KCTD11: variants seen among roughly 807,000 people sequenced by gnomAD.
KCTD11 encodes BTB/POZ domain-containing protein KCTD11.
A neutral mutation model predicts 10.7 loss-of-function variants in KCTD11; 8 were observed. The observed-to-expected ratio is 0.74, with a 90% CI of 0.44 to 1.34. KCTD11 has a LOEUF of 1.34. Ranked by LOEUF, KCTD11 falls within the 40% of genes most tolerant of loss-of-function variation. KCTD11 has a pLI of 0.01. For missense variants in KCTD11, 346 were observed against 356.1 expected, an observed-to-expected ratio of 0.97 and a Z score of 0.23; for synonymous variants, 153 against 160.8, an observed-to-expected ratio of 0.95 and a Z score of 0.37.
Position 7,353,701 on chromosome 17 carries a change from A to G in KCTD11, c.*60A>G. The G allele has an allele frequency of 7.0e-7, 1 of 1,435,096 alleles. No homozygotes were observed. The highest frequency in any genetic ancestry group is 9.4e-7 in the Non-Finnish European group (1 of 1,065,796). The allele number at this position is 1,435,096 out of a possible 1,614,324, so 88.9% of individuals were successfully genotyped here. A position where few individuals can be genotyped will look rare whatever the true frequency, so the allele number is the denominator to read the frequency against. The stretch of plus-strand genomic sequence containing the variant: ...GAGAATGGGGTACTAGCACCCCTGA[A>G]GCCTCTTTCCAGCTCTGCTTCAGGA... On this transcript the variant is annotated 3_prime_UTR_variant, in exon 1 of 1. Transcript: ENST00000333751. This position sits in a 1 kb window ranked among gnomAD's most constrained non-coding sequence, Gnocchi z 4.9.
At position 7,354,226 on chromosome 17, in the gene KCTD11, A is replaced by G. The variant is rs187809565; in HGVS notation, c.*585A>G. On this transcript the variant is annotated 3_prime_UTR_variant, in exon 1 of 1. Transcript: ENST00000333751. ...ATGTATGGGAGCTAGGACAGTCCCC[A>G]TGGCAATGGGGCTGGAGCATCCCTC... is the stretch of plus-strand genomic sequence containing the variant. 6.0e-6 allele frequency: 1 copy of G among 167,238 alleles called. No homozygotes were observed. Among genetic ancestry groups the G allele is most frequent in the Admixed American group, 6.5e-5 (1 of 15,290 alleles). The allele number at this position is 167,238 out of a possible 1,614,324, so 10.4% of individuals were successfully genotyped here.
chr17:7,353,144 C>T lies in KCTD11; in HGVS notation c.319C>T (p.Pro107Ser), dbSNP rs1413236034. ...AGAGGCTGACTTCTACCAGATCCGG[C>T]CCCTCCTGGACGCGCTGCGGGAACT... Residue 107 changes from proline to serine, a missense_variant, in exon 1 of 1, where the codon CCC becomes TCC. By Grantham distance (74) the Pro-to-Ser change is moderately conservative. Coordinates refer to ENST00000333751, the MANE Select transcript of KCTD11 (RefSeq NM_001363642.1). This position sits in a 1 kb window ranked among gnomAD's most constrained non-coding sequence, Gnocchi z 4.9. The T allele has an allele frequency of 1.9e-6, 3 of 1,612,806 alleles. No individual in the cohort carries two copies. The East Asian group carries it at 6.7e-5, about 36-fold the overall frequency.
chr17:7,352,908 C>G lies in KCTD11; in HGVS notation c.83C>G (p.Thr28Ser). The change falls in exon 1 of 1, where the codon ACC (threonine) becomes AGC (serine). Residue 28 changes from threonine (T) to serine (S), a missense_variant. Thr to Ser is a moderately conservative substitution (Grantham distance 58). Coordinates refer to ENST00000333751, the MANE Select transcript of KCTD11 (RefSeq NM_001363642.1). The surrounding 1 kb of genome is among the most constrained non-coding windows in gnomAD (Gnocchi z 4.5). ...AATGTGGGGGGCACACTATATTCCA[C>G]CACTTTGGAGACCCTGACCCGCTTC... 6.5e-7 allele frequency: 1 copy of G among 1,530,532 alleles called. No individual in the cohort carries two copies. Among genetic ancestry groups the G allele is most frequent in the Non-Finnish European group, 8.8e-7 (1 of 1,133,102 alleles). The allele number at this position is 1,530,532 out of a possible 1,614,324, so 94.8% of individuals were successfully genotyped here. A position where few individuals can be genotyped will look rare whatever the true frequency, so the allele number is the denominator to read the frequency against.
In KCTD11 at chr17:7,353,931, T is replaced by G; in HGVS notation, c.*290T>G. 2.7e-6 allele frequency: 1 copy of G among 364,224 alleles called. No homozygotes were observed. The highest frequency in any genetic ancestry group is 5.2e-6 in the Non-Finnish European group (1 of 192,096). The allele number at this position is 364,224 out of a possible 1,614,324, so 22.6% of individuals were successfully genotyped here. On this transcript the variant is annotated 3_prime_UTR_variant, in exon 1 of 1. Transcript: ENST00000333751. This position sits in a 1 kb window ranked among gnomAD's most constrained non-coding sequence, Gnocchi z 4.9. ...TCTCCTTGATTTGGAGCTCAGTGTT[T>G]AAGGGCTTGGAAAAGGGGGGAACAT...
Position 7,353,393 on chromosome 17 carries a change from G to A in KCTD11, c.568G>A (p.Gly190Arg). The A allele has an allele frequency of 6.2e-7, 1 of 1,613,764 alleles. No homozygotes were observed. Among genetic ancestry groups the A allele is most frequent in the Non-Finnish European group, 8.5e-7 (1 of 1,180,028 alleles). Residue 190 changes from glycine to arginine, a missense_variant, in exon 1 of 1, where the codon GGG becomes AGG. Coordinates refer to ENST00000333751, the MANE Select transcript of KCTD11 (RefSeq NM_001363642.1). The surrounding 1 kb of genome is among the most constrained non-coding windows in gnomAD (Gnocchi z 4.9). ...TGTGGCCAGTGGGGATAGGGCAGAG[G>A]GGAGCCCACATTTTCATCTGGAGTG...
rs2073458793 is a variant in KCTD11 at position 7,354,723 on chromosome 17, TA to T, written c.*1083del. ...GCTGAGGCAACCATGGACCTGTTGC[TA>T]GGAGATAGCTGGGGAAGGCCCAAGG... On this transcript the variant is annotated 3_prime_UTR_variant, in exon 1 of 1. Coordinates refer to ENST00000333751, the MANE Select transcript of KCTD11 (RefSeq NM_001363642.1). 1 of 170,956 alleles carries T rather than the reference TA, an allele frequency of 5.8e-6. No individual in the cohort carries two copies. Among genetic ancestry groups the T allele is most frequent in the African/African-American group, 2.4e-5 (1 of 41,372 alleles). The allele number at this position is 170,956 out of a possible 1,614,324, so 10.6% of individuals were successfully genotyped here.
In KCTD11 at chr17:7,353,816, G is replaced by C; in HGVS notation, c.*175G>C. 1.6e-6 allele frequency: 1 copy of C among 613,504 alleles called. No individual in the cohort carries two copies. Among genetic ancestry groups the C allele is most frequent in the African/African-American group, 1.8e-5 (1 of 54,736 alleles). The allele number at this position is 613,504 out of a possible 1,614,324, so 38.0% of individuals were successfully genotyped here. A position where few individuals can be genotyped will look rare whatever the true frequency, so the allele number is the denominator to read the frequency against. ...CTGAGCCCACCAAGGACTCACAAGT[G>C]GTCCAGAAGGTCTCAACCTGTGCTG... is the stretch of plus-strand genomic sequence containing the variant. On this transcript the variant is annotated 3_prime_UTR_variant, in exon 1 of 1. Coordinates refer to ENST00000333751, the MANE Select transcript of KCTD11 (RefSeq NM_001363642.1). This position sits in a 1 kb window ranked among gnomAD's most constrained non-coding sequence, Gnocchi z 4.9.
chr17:7,353,587 C>T lies in KCTD11; in HGVS notation c.762C>T (p.Phe254=), dbSNP rs771992131. The change falls in exon 1 of 1, where the codon TTC becomes TTT. Residue 254 remains phenylalanine, a synonymous_variant. Coordinates refer to ENST00000333751, the MANE Select transcript of KCTD11 (RefSeq NM_001363642.1). The surrounding 1 kb of genome is among the most constrained non-coding windows in gnomAD (Gnocchi z 4.9). ...ACGGCTTCCGACTAGACTCTGTCTT[C>T]CCCGACCCCGAAGACCTGCTCAACT... 7 of 1,533,304 alleles carry T rather than the reference C, an allele frequency of 4.6e-6. No individual in the cohort carries two copies. Among genetic ancestry groups the T allele is most frequent in the Non-Finnish European group, 6.1e-6 (7 of 1,140,316 alleles). 95.0% of individuals were successfully genotyped at this position (1,533,304 alleles called of 1,614,324 possible).
Position 7,353,639 on chromosome 17 carries a change from T to G in KCTD11, c.814T>G (p.Ter272GlyextTer51), listed in dbSNP as rs1300120175. The G allele has an allele frequency of 6.6e-7, 1 of 1,514,006 alleles. No homozygotes were observed. 93.8% of individuals were successfully genotyped at this position (1,514,006 alleles called of 1,614,324 possible). The change falls in exon 1 of 1, where the codon TGA (stop) becomes GGA (glycine). Residue 272 changes from the stop codon to glycine, a stop_lost. Transcript: ENST00000333751. The surrounding 1 kb of genome is among the most constrained non-coding windows in gnomAD (Gnocchi z 4.9). ...CAGGTCTCTGCGCTTTGTCCGGCACTGAGGATGCTGTTCTCAGTTTGACTG... is the reference window on the plus strand; with the variant it reads ...CAGGTCTCTGCGCTTTGTCCGGCACGGAGGATGCTGTTCTCAGTTTGACTG...
chr17:7,353,782 T>C lies in KCTD11; in HGVS notation c.*141T>C, dbSNP rs746671261. On this transcript the variant is annotated 3_prime_UTR_variant, in exon 1 of 1. Transcript: ENST00000333751. The surrounding 1 kb of genome is among the most constrained non-coding windows in gnomAD (Gnocchi z 4.9). ...ACTGGAGCTCAGATGTGGGCAGGAA[T>C]TCCCAAACCTGAGCCCACCAAGGAC... is the stretch of plus-strand genomic sequence containing the variant. 30 of 825,960 alleles carry C rather than the reference T, an allele frequency of 3.6e-5. No individual in the cohort carries two copies. Among genetic ancestry groups the C allele is most frequent in the Non-Finnish European group, 5.1e-5 (28 of 551,186 alleles). The allele number at this position is 825,960 out of a possible 1,614,324, so 51.2% of individuals were successfully genotyped here.
At position 7,352,918 on chromosome 17, in the gene KCTD11, G is replaced by T. The variant is rs1376424512; in HGVS notation, c.93G>T (p.Glu31Asp). ...GCACACTATATTCCACCACTTTGGA[G>T]ACCCTGACCCGCTTCCCAGACTCTA... Residue 31 changes from glutamate (E) to aspartate (D), a missense_variant, in exon 1 of 1, where the codon GAG (glutamate) becomes GAT (aspartate). Transcript: ENST00000333751. The surrounding 1 kb of genome is among the most constrained non-coding windows in gnomAD (Gnocchi z 4.5). The T allele has an allele frequency of 1.3e-6, 2 of 1,543,920 alleles. No homozygotes were observed. Among genetic ancestry groups the T allele is most frequent in the African/African-American group, 1.4e-5 (1 of 73,198 alleles).
Position 7,353,401 on chromosome 17 carries a change from A to G in KCTD11, c.576A>G (p.Pro192=). ...GTGGGGATAGGGCAGAGGGGAGCCC[A>G]CATTTTCATCTGGAGTGGGCCCCCC... The change falls in exon 1 of 1, where the codon CCA becomes CCG. Residue 192 remains proline, a synonymous_variant. Coordinates refer to ENST00000333751, the MANE Select transcript of KCTD11 (RefSeq NM_001363642.1). The surrounding 1 kb of genome is among the most constrained non-coding windows in gnomAD (Gnocchi z 4.9). 6.2e-7 allele frequency: 1 copy of G among 1,613,572 alleles called. No homozygotes were observed. Among genetic ancestry groups the G allele is most frequent in the Non-Finnish European group, 8.5e-7 (1 of 1,179,992 alleles).
chr17:7,352,862 T>A lies in KCTD11; in HGVS notation c.37T>A (p.Phe13Ile). 1 of 1,242,710 alleles carries A rather than the reference T, an allele frequency of 8.0e-7. No individual in the cohort carries two copies. Among genetic ancestry groups the A allele is most frequent in the Non-Finnish European group, 1.1e-6 (1 of 891,974 alleles). 77.0% of individuals were successfully genotyped at this position (1,242,710 alleles called of 1,614,324 possible). A position where few individuals can be genotyped will look rare whatever the true frequency, so the allele number is the denominator to read the frequency against. Residue 13 changes from phenylalanine (F) to isoleucine (I), a missense_variant, in exon 1 of 1, where the codon TTT becomes ATT. Physicochemically the swap from Phe to Ile is conservative, Grantham distance 21. Coordinates refer to ENST00000333751, the MANE Select transcript of KCTD11 (RefSeq NM_001363642.1). The surrounding 1 kb of genome is among the most constrained non-coding windows in gnomAD (Gnocchi z 4.5). ...TCCTGTGCCCTCTTCGCCCCCCTCCTTTGGGGGCCCCGTGACCCTGAATGT... is the reference window on the plus strand; with the variant it reads ...TCCTGTGCCCTCTTCGCCCCCCTCCATTGGGGGCCCCGTGACCCTGAATGT...
Position 7,353,523 on chromosome 17 carries a change from C to G in KCTD11, c.698C>G (p.Pro233Arg), listed in dbSNP as rs767873324. The G allele has an allele frequency of 2.0e-5, 31 of 1,583,122 alleles. No individual in the cohort carries two copies. Among genetic ancestry groups the G allele is most frequent in the Non-Finnish European group, 2.7e-5 (31 of 1,162,468 alleles). Residue 233 changes from proline to arginine, a missense_variant, in exon 1 of 1, where the codon CCA (proline) becomes CGA (arginine). Transcript: ENST00000333751. This position sits in a 1 kb window ranked among gnomAD's most constrained non-coding sequence, Gnocchi z 4.9. ...GAGCGGCGGGAGGTGGTGGGCACCC[C>G]AAGCTTCCTGGAGGAGGTGCTGCGG...
Position 7,354,551 on chromosome 17 carries a change from G to C in KCTD11, c.*910G>C, listed in dbSNP as rs1304811524. On this transcript the variant is annotated 3_prime_UTR_variant, in exon 1 of 1. Transcript: ENST00000333751. ...AGGGTGTGTGTGTGTGTGTGTGTGT[G>C]TGTGTTTATGTGCACGCATGTATAT... The C allele has an allele frequency of 6.0e-6, 1 of 167,372 alleles. No individual in the cohort carries two copies. The highest frequency in any genetic ancestry group is 1.9e-4 in the East Asian group (1 of 5,206). 10.4% of individuals were successfully genotyped at this position (167,372 alleles called of 1,614,324 possible).
rs1179581873 is a variant in KCTD11 at position 7,352,538 on chromosome 17, G to A, written c.-288G>A. ...AACCCACTGTCTGAAGACCACAGAG[G>A]GGTGTCGCTGACCACCCCAAATCGG... On this transcript the variant is annotated 5_prime_UTR_variant, in exon 1 of 1. Coordinates refer to ENST00000333751, the MANE Select transcript of KCTD11 (RefSeq NM_001363642.1). The surrounding 1 kb of genome is among the most constrained non-coding windows in gnomAD (Gnocchi z 4.5). 2.0e-5 allele frequency: 7 copies of A among 344,788 alleles called. No homozygotes were observed. In the East Asian group the frequency reaches 2.2e-4, roughly 11 times the overall value. The allele number at this position is 344,788 out of a possible 1,614,324, so 21.4% of individuals were successfully genotyped here.
chr17:7,353,423 C>G lies in KCTD11; in HGVS notation c.598C>G (p.Pro200Ala), dbSNP rs1399873021. 3.1e-6 allele frequency: 5 copies of G among 1,612,790 alleles called. No homozygotes were observed. The highest frequency in any genetic ancestry group is 3.4e-6 in the Non-Finnish European group (4 of 1,179,960). The stretch of plus-strand genomic sequence containing the variant: ...CCCACATTTTCATCTGGAGTGGGCC[C>G]CCCGCCCCGTGGAACTCCCCGAGGT... The change falls in exon 1 of 1, where the codon CCC becomes GCC. Residue 200 changes from proline (P) to alanine (A), a missense_variant. Coordinates refer to ENST00000333751, the MANE Select transcript of KCTD11 (RefSeq NM_001363642.1). This position sits in a 1 kb window ranked among gnomAD's most constrained non-coding sequence, Gnocchi z 4.9.
chr17:7,352,973 C>A lies in KCTD11; in HGVS notation c.148C>A (p.Pro50Thr). ...GGGGGCCATGTTTAGGGCCGGCACC[C>A]CCATGCCCCCCAACCTCAATTCCCA... The change falls in exon 1 of 1, where the codon CCC becomes ACC. Residue 50 changes from proline (P) to threonine (T), a missense_variant. By Grantham distance (38) the Pro-to-Thr change is conservative (BLOSUM62 -1). Transcript: ENST00000333751. The surrounding 1 kb of genome is among the most constrained non-coding windows in gnomAD (Gnocchi z 4.5). The A allele has an allele frequency of 6.2e-7, 1 of 1,600,160 alleles. No homozygotes were observed.
In KCTD11 at chr17:7,352,662, C is replaced by T; in HGVS notation, c.-164C>T. ...TGGGGATTTCTGTGTCCTGACACCA[C>T]CTCCCCATCCACCACCAAAGTAGCC... is the stretch of plus-strand genomic sequence containing the variant. On this transcript the variant is annotated 5_prime_UTR_variant, in exon 1 of 1. Coordinates refer to ENST00000333751, the MANE Select transcript of KCTD11 (RefSeq NM_001363642.1). This position sits in a 1 kb window ranked among gnomAD's most constrained non-coding sequence, Gnocchi z 4.5. 3 of 502,950 alleles carry T rather than the reference C, an allele frequency of 6.0e-6. No homozygotes were observed. Among genetic ancestry groups the T allele is most frequent in the Middle Eastern group, 5.1e-4 (1 of 1,952 alleles). The allele number at this position is 502,950 out of a possible 1,614,324, so 31.2% of individuals were successfully genotyped here. A position where few individuals can be genotyped will look rare whatever the true frequency, so the allele number is the denominator to read the frequency against.
Sources: allele counts gnomAD v4.1 joint callset, GRCh38; gene constraint gnomAD v4.1.1; non-coding constraint Gnocchi (gnomAD v3.1); transcripts MANE v1.5; gene names NCBI Gene and HGNC (gene_info 2026-07-23, HGNC 2026-07-21).